GRIP1: variants seen among roughly 807,000 people sequenced by gnomAD.
GRIP1 encodes the protein glutamate receptor interacting protein 1.
Under a neutral mutation model 129.9 loss-of-function variants are expected in GRIP1, and 45 were observed. The ratio of observed to expected loss-of-function variants is 0.35; its 90% CI spans 0.27 to 0.44. The LOEUF (loss-of-function observed/expected upper bound fraction) is 0.44, where lower values mean the gene tolerates loss of function less well. Among genes scored for constraint, GRIP1 ranks in the 20% least tolerant of loss-of-function variants. The pLI is 1.00. For synonymous variants in GRIP1, 530 were observed against 520.8 expected (o/e 1.02, Z -0.24); for missense variants, 1,196 against 1,396.8 (o/e 0.86, Z 2.29).
At chr12:66,451,225 T>C (rs1419447350) in intron 11 of GRIP1, among the ~76,000 whole-genome samples, 1 of 151,962 alleles carries the variant, frequency 6.6e-6, no homozygotes, top group Non-Finnish European at 1.5e-5. Flanking sequence ...TTCTTCCTAG[T>C]GTAAGAAAGG....
intron 19 of GRIP1, among the ~76,000 whole-genome samples, chr12:66,387,182 A>G (rs572765696): frequency 2.0e-5 from 3 of 152,310 alleles, no homozygotes; most frequent in South Asian, 2.1e-4. Context: ...CAAAACTCCA[A>G]TGCTTTGTTT....
chr12:66,373,391 T>TC (rs2055625419), intron 22 of GRIP1, among the ~76,000 whole-genome samples: 1 of 152,148 alleles, frequency 6.6e-6, no homozygotes, highest in Non-Finnish European at 1.5e-5. Flanking sequence ...GCCTGGCCAT[T>TC]CCTCCCAACT....
intron 1 of GRIP1, among the ~76,000 whole-genome samples, chr12:66,718,595 A>G (rs927899324): frequency 6.6e-6 from 1 of 152,118 alleles, no homozygotes; most frequent in African/African-American, 2.4e-5. Flanking sequence ...TCATGCCTGT[A>G]ATCCCAGCAC....
intron 1 of GRIP1, among the ~76,000 whole-genome samples, chr12:66,599,122 C>T (rs1264128778): frequency 6.6e-6 from 1 of 152,266 alleles, no homozygotes; most frequent in Non-Finnish European, 1.5e-5. Context: ...AGATGACCAC[C>T]TGGCCAGCCT....
At chr12:67,001,361 T>A (rs1425217373) in intron 1 of GRIP1, among the ~76,000 whole-genome samples, 1 of 152,122 alleles carries the variant, frequency 6.6e-6, no homozygotes. Flanking sequence ...TCAGGATCCA[T>A]GCACAATCAC....
intron 1 of GRIP1, among the ~76,000 whole-genome samples, chr12:66,969,261 T>C (rs2042039164): frequency 6.6e-6 from 1 of 152,228 alleles, no homozygotes; most frequent in African/African-American, 2.4e-5. Flanking sequence ...TGTCTGTCAT[T>C]AATTTTGGAA....
chr12:66,745,659 A>G (rs2036921626), intron 1 of GRIP1, among the ~76,000 whole-genome samples: 1 of 152,222 alleles, frequency 6.6e-6, no homozygotes, highest in Non-Finnish European at 1.5e-5. Context: ...ACTTAGAGGA[A>G]TATCATAAAA....
intron 20 of GRIP1, among the ~76,000 whole-genome samples, chr12:66,378,348 G>A (rs995417145): frequency 3.9e-5 from 6 of 152,102 alleles, no homozygotes; most frequent in Admixed American, 3.9e-4. Context: ...GCTAATCGGG[G>A]GTCTAAGGCA....
chr12:66,444,663 G>T lies in GRIP1; in HGVS notation c.1608C>A (p.Thr536=). The change falls in exon 13 of 25, where the codon ACC becomes ACA. Residue 536 remains threonine, a synonymous_variant. Transcript: ENST00000359742. ...GGAGGAGCTGACTGGCTTCTTCGAA[G>T]GTGCTGTCTTCTGTTGGAATTCCAT... ...AINGIPTEDS[T]FEEASQLLRD... 1 of 1,613,956 alleles carries T rather than the reference G, an allele frequency of 6.2e-7. No homozygotes were observed. The highest frequency in any genetic ancestry group is 8.5e-7 in the Non-Finnish European group (1 of 1,179,898).
chr12:66,935,775 C>T (rs1404782117), intron 1 of GRIP1, among the ~76,000 whole-genome samples: 1 of 152,282 alleles, frequency 6.6e-6, no homozygotes, highest in South Asian at 2.1e-4. Flanking sequence ...AGATTGGTTA[C>T]AGCTCTGCCT....
chr12:67,044,504 C>T (rs146198828), intron 1 of GRIP1, among the ~76,000 whole-genome samples: 172 of 152,304 alleles, frequency 1.1e-3, no homozygotes, highest in Non-Finnish European at 2.0e-3. Flanking sequence ...AGTGGCTGTA[C>T]ATTTCCCTTA....
At chr12:66,755,313 C>T (rs1225773170) in intron 1 of GRIP1, among the ~76,000 whole-genome samples, 11 of 152,158 alleles carry the variant, frequency 7.2e-5, no homozygotes, top group Admixed American at 7.2e-4. Flanking sequence ...CTAGGACTCA[C>T]TTTATTTTTC....
intron 1 of GRIP1, among the ~76,000 whole-genome samples, chr12:67,009,027 G>C (rs367821339): frequency 6.6e-6 from 1 of 152,098 alleles, no homozygotes; most frequent in African/African-American, 2.4e-5. Context: ...TGTTTCAAGG[G>C]CCTAAGCAAT....
At chr12:66,442,841 G>T (rs1378327527) in intron 13 of GRIP1, among the ~76,000 whole-genome samples, 2 of 152,126 alleles carry the variant, frequency 1.3e-5, no homozygotes, top group Non-Finnish European at 2.9e-5. Flanking sequence ...GGCAATATTT[G>T]TTAATTTTTA....
At chr12:66,409,506 CA>C (rs970973133) in intron 15 of GRIP1, among the ~76,000 whole-genome samples, 1 of 152,132 alleles carries the variant, frequency 6.6e-6, no homozygotes, top group African/African-American at 2.4e-5. Context: ...GTGAAGTGAC[CA>C]AAAACTTAGA....
chr12:66,908,807 T>C (rs1314110358), intron 1 of GRIP1, among the ~76,000 whole-genome samples: 1 of 152,200 alleles, frequency 6.6e-6, no homozygotes, highest in African/African-American at 2.4e-5. Flanking sequence ...TCATTGCAGA[T>C]CTAAGAGTAG....
At chr12:66,871,742 T>C (rs975792855) in intron 1 of GRIP1, among the ~76,000 whole-genome samples, 1 of 152,078 alleles carries the variant, frequency 6.6e-6, no homozygotes, top group Non-Finnish European at 1.5e-5. Flanking sequence ...CTTCTGATAA[T>C]ATTTTCCCCA....
chr12:67,059,250 C>T lies in GRIP1; in HGVS notation c.58+9800G>A, dbSNP rs546977940. On this transcript the variant is annotated intron_variant, in intron 1 of 1. Transcript: ENST00000643019. ...ACAGAAATGCTGATAGGACAAGTACCTAGAAAAGGCCTCGGTAGAAGGTCA... is the reference window on the plus strand; with the variant it reads ...ACAGAAATGCTGATAGGACAAGTACTTAGAAAAGGCCTCGGTAGAAGGTCA... Among the ~76,000 whole-genome samples the T allele has an allele frequency of 1.1e-3, 166 of 152,288 alleles. 1 individual carries two copies. The highest frequency in any genetic ancestry group is 1.6e-3 in the Non-Finnish European group (110 of 68,020).
chr12:67,004,773 A>C (rs551837946), intron 1 of GRIP1, among the ~76,000 whole-genome samples: 1 of 152,288 alleles, frequency 6.6e-6, no homozygotes, highest in African/African-American at 2.4e-5. Context: ...AGGGAAATAA[A>C]AGTATTATAG....
Sources: allele counts gnomAD v4.1 joint callset (sites outside exome capture counted in the v4.1 genomes callset), GRCh38; gene constraint gnomAD v4.1.1; transcripts MANE v1.5; gene names NCBI Gene and HGNC (gene_info 2026-07-23, HGNC 2026-07-21).